DNAH6: variants seen among roughly 807,000 people sequenced by gnomAD.
DNAH6 encodes dynein axonemal heavy chain 6.
In DNAH6, 340 loss-of-function variants were observed where a neutral mutation model predicts 491.4. The ratio of observed to expected loss-of-function variants is 0.69; its 90% CI spans 0.63 to 0.76. The LOEUF (loss-of-function observed/expected upper bound fraction) is 0.76, where lower values mean the gene tolerates loss of function less well. Ranked by LOEUF, DNAH6 falls within the 30% of genes least tolerant of loss-of-function variation. The pLI, the probability that DNAH6 is intolerant of heterozygous loss-of-function variation, is 0.00. For synonymous variants in DNAH6, 1,603 were observed against 1,686.1 expected, an observed-to-expected ratio of 0.95 and a Z score of 1.21; for missense variants, 4,443 against 4,972.2, an observed-to-expected ratio of 0.89 and a Z score of 3.20.
At position 84,722,754 on chromosome 2, in the gene DNAH6, C is replaced by A. The variant is rs1357481393; in HGVS notation, c.9922C>A (p.Leu3308Ile). 2 of 1,536,822 alleles carry A rather than the reference C, an allele frequency of 1.3e-6. No homozygotes were observed. The highest frequency in any genetic ancestry group is 1.4e-5 in the African/African-American group (1 of 71,852). Residue 3308 changes from leucine to isoleucine, a missense_variant, in exon 60 of 77, where the codon CTC (leucine) becomes ATC (isoleucine). Transcript: ENST00000389394. ...GSVMYFVIASLSEIDPMYQYS... is the reference protein window; with the variant it reads ...GSVMYFVIASISEIDPMYQYS... The stretch of plus-strand genomic sequence containing the variant: ...TGTAATGTACTTTGTCATTGCAAGC[C>A]TCTCAGAAATAGATCCTATGTACCA...
chr2:84,521,724 T>C (rs140161599), intron 2 of DNAH6, among the ~76,000 whole-genome samples: 4,358 of 152,284 alleles, frequency 0.029, 224 homozygotes, highest in African/African-American at 0.099. Context: ...ATTTATTGAA[T>C]AGGGAGTCCT....
intron 64 of DNAH6, among the ~76,000 whole-genome samples, chr2:84,778,972 G>A (rs1676410478): frequency 6.6e-6 from 1 of 152,140 alleles, no homozygotes; most frequent in Non-Finnish European, 1.5e-5. Flanking sequence ...TCATGGTATT[G>A]ATTTCTATTT....
chr2:84,672,253 C>A, intron 39 of DNAH6, 74 bp from the exon 40 acceptor site: 1 of 1,446,436 alleles, frequency 6.9e-7, no homozygotes, highest in South Asian at 1.4e-5. Context: ...AGTCCAAAGT[C>A]ATACCCTAGC....
the DNAH6 span, among the ~76,000 whole-genome samples, chr2:84,490,480 C>G: frequency 6.6e-6 from 1 of 152,154 alleles, no homozygotes. Context: ...CCTCCTCTTA[C>G]CTCCAACCAT....
Position 84,653,881 on chromosome 2 carries a change from G to A in DNAH6, c.5634+7G>A. 2 of 1,538,396 alleles carry A rather than the reference G, an allele frequency of 1.3e-6. No individual in the cohort carries two copies. The highest frequency in any genetic ancestry group is 1.2e-5 in the South Asian group (1 of 82,086). ...AATTCACATGCTTTTTGAGGTAAGT[G>A]TACACATTACTGTGGAGTGAAATCA... On this transcript the variant is annotated splice_region_variant and intron_variant, in intron 34 of 76. Coordinates refer to ENST00000389394, the MANE Select transcript of DNAH6 (RefSeq NM_001370.2).
the DNAH6 span, among the ~76,000 whole-genome samples, chr2:84,490,089 A>G: frequency 6.6e-6 from 1 of 152,110 alleles, no homozygotes; most frequent in Admixed American, 6.6e-5. Flanking sequence ...AGTTTTTTAC[A>G]TTTTTTTAAT....
chr2:84,659,280 C>G, intron 37 of DNAH6, 111 bp downstream of exon 37: 1 of 578,424 alleles, frequency 1.7e-6, no homozygotes, highest in Non-Finnish European at 2.6e-6. Context: ...ATACACTAAA[C>G]TGGTTCCTAA....
At chr2:84,514,217 A>G (rs916861974), upstream of DNAH6, among the ~76,000 whole-genome samples, 3 of 152,178 alleles carry the variant, frequency 2.0e-5, no homozygotes, top group East Asian at 3.8e-4. Context: ...ATACTCCACT[A>G]TATATCCAGA....
intron 60 of DNAH6, among the ~76,000 whole-genome samples, chr2:84,724,886 CA>C (rs879848735): frequency 6.6e-6 from 1 of 152,240 alleles, no homozygotes; most frequent in Non-Finnish European, 1.5e-5. Flanking sequence ...GTTGGTCAAT[CA>C]AATCACTAGG....
At chr2:84,557,993 T>A in intron 11 of DNAH6, 58 bp downstream of exon 11, 1 of 1,137,436 alleles carries the variant, frequency 8.8e-7, no homozygotes, top group Non-Finnish European at 1.2e-6. Flanking sequence ...TGAAATTAAG[T>A]AATATATATT....
intron 12 of DNAH6, among the ~76,000 whole-genome samples, chr2:84,573,960 ATTC>A (rs756950089): frequency 6.6e-6 from 1 of 152,176 alleles, no homozygotes; most frequent in African/African-American, 2.4e-5. Context: ...TCAGGAACTT[ATTC>A]TTTTTTCTTC....
At chr2:84,477,878 G>A in the DNAH6 span, among the ~76,000 whole-genome samples, 1 of 152,224 alleles carries the variant, frequency 6.6e-6, no homozygotes, top group African/African-American at 2.4e-5. Flanking sequence ...ATCTGACTCT[G>A]CCACATGGAA....
At chr2:84,661,962 C>A (rs1691548101) in intron 37 of DNAH6, among the ~76,000 whole-genome samples, 1 of 151,962 alleles carries the variant, frequency 6.6e-6, no homozygotes, top group African/African-American at 2.4e-5. Flanking sequence ...CTAGTATTGA[C>A]AAAGAAGTGG....
At chr2:84,786,761 A>G (rs554947644) in intron 67 of DNAH6, among the ~76,000 whole-genome samples, 1 of 152,362 alleles carries the variant, frequency 6.6e-6, no homozygotes, top group Admixed American at 6.5e-5. Context: ...CTGAAAAATC[A>G]TGGACAGACT....
At chr2:84,580,491 T>C (rs1249763545) in intron 14 of DNAH6, among the ~76,000 whole-genome samples, 1 of 152,186 alleles carries the variant, frequency 6.6e-6, no homozygotes, top group African/African-American at 2.4e-5. Flanking sequence ...ATTTAAAATA[T>C]AGATAAATTA....
chr2:84,733,375 T>C, intron 61 of DNAH6, 69 bp from the exon 62 acceptor site: 1 of 1,399,384 alleles, frequency 7.1e-7, no homozygotes, highest in East Asian at 2.5e-5. Flanking sequence ...GATTTTTCAC[T>C]TGGACAAAGT....
intron 76 of DNAH6, among the ~76,000 whole-genome samples, chr2:84,819,013 G>C (rs556494923): frequency 2.2e-4 from 33 of 152,230 alleles, no homozygotes; most frequent in African/African-American, 7.7e-4. Context: ...GGCAGAGGTT[G>C]CAGCAAGCTG....
At position 84,693,962 on chromosome 2, in the gene DNAH6, A is replaced by G. The variant is rs1372368679; in HGVS notation, c.7293-287A>G. On this transcript the variant is annotated intron_variant, in intron 45 of 76. Coordinates refer to ENST00000389394, the MANE Select transcript of DNAH6 (RefSeq NM_001370.2). ...GCCTAGATCGGCTAGGGTCTCCAAC[A>G]AAGTCCTTCAGACTTCAGGAAAAAG... is the stretch of plus-strand genomic sequence containing the variant. Among the ~76,000 whole-genome samples, 10 of 152,350 alleles carry G rather than the reference A, an allele frequency of 6.6e-5. No homozygotes were observed. The East Asian group carries it at 1.9e-3, about 29-fold the overall frequency.
intron 33 of DNAH6, among the ~76,000 whole-genome samples, chr2:84,648,220 A>G (rs1690080645): frequency 6.6e-6 from 1 of 152,244 alleles, no homozygotes; most frequent in Admixed American, 6.5e-5. Context: ...CTTTTAAAAT[A>G]TTACTGCTCA....
Sources: gnomAD v4.1 joint callset for allele counts (sites outside exome capture counted in the v4.1 genomes callset) on GRCh38, gnomAD v4.1.1 for gene constraint, MANE v1.5 for transcripts, NCBI Gene and HGNC (gene_info 2026-07-23, HGNC 2026-07-21) for gene names.